The following TENM1 variants were observed in gnomAD, a reference collection of about 807,000 sequenced individuals.
TENM1 encodes teneurin transmembrane protein 1.
A neutral mutation model predicts 174.8 loss-of-function variants in TENM1; 35 were observed. That is an observed-to-expected ratio of 0.20 (90% CI 0.15 to 0.27). The LOEUF is 0.27. Among genes scored for constraint, TENM1 ranks in the 10% least tolerant of loss-of-function variants. The pLI, the probability that TENM1 is intolerant of heterozygous loss-of-function variation, is 1.00. For synonymous variants in TENM1, 781 were observed against 798.7 expected, an observed-to-expected ratio of 0.98 and a Z score of 0.37; for missense variants, 1,633 against 2,130.1, an observed-to-expected ratio of 0.77 and a Z score of 4.59.
intron 1 of TENM1, among the ~76,000 whole-genome samples, chrX:124,959,644 T>A (rs1345679363): frequency 9.0e-6 from 1 of 111,262 alleles, no homozygotes; most frequent in Non-Finnish European, 1.9e-5. Context: ...AAAAGCTACC[T>A]GGATGTCATA....
At chrX:124,955,394 A>G (rs1182333331) in intron 1 of TENM1, among the ~76,000 whole-genome samples, 4 of 83,170 alleles carry the variant, frequency 4.8e-5, no homozygotes, top group African/African-American at 1.8e-4. Flanking sequence ...GTCAGCAATG[A>G]CCTTCTAAAC....
At chrX:124,836,031 G>C (rs770247263) in intron 3 of TENM1, among the ~76,000 whole-genome samples, 10 of 111,464 alleles carry the variant, frequency 9.0e-5, no homozygotes, top group Non-Finnish European at 1.7e-4. Flanking sequence ...AGTGATTTTT[G>C]GCTTAAGGAA....
At chrX:125,099,918 TG>T in the TENM1 span, among the ~76,000 whole-genome samples, 1 of 111,774 alleles carries the variant, frequency 8.9e-6, no homozygotes, top group Non-Finnish European at 1.9e-5. Flanking sequence ...TATCAGCTAA[TG>T]ACAGTTCAGG....
intron 11 of TENM1, among the ~76,000 whole-genome samples, chrX:124,583,363 C>G (rs1015633832): frequency 9.0e-6 from 1 of 111,511 alleles, no homozygotes; most frequent in Admixed American, 9.5e-5. Flanking sequence ...TCAGACAGCA[C>G]CATTCACGGT....
At chrX:124,518,107 C>T (rs1189421629) in intron 18 of TENM1, among the ~76,000 whole-genome samples, 1 of 110,548 alleles carries the variant, frequency 9.0e-6, no homozygotes, top group Non-Finnish European at 1.9e-5. Context: ...GCCTTCTGGG[C>T]TTGTAGGGGG....
intron 13 of TENM1, among the ~76,000 whole-genome samples, chrX:124,563,244 G>T (rs985007433): frequency 2.7e-5 from 3 of 110,312 alleles, no homozygotes; most frequent in Non-Finnish European, 5.7e-5. Flanking sequence ...TGGAGGGATG[G>T]ATGATGGGAT....
At chrX:124,862,245 C>T (rs2056924538) in intron 3 of TENM1, among the ~76,000 whole-genome samples, 2 of 111,621 alleles carry the variant, frequency 1.8e-5, no homozygotes, top group Admixed American at 9.5e-5. Context: ...CCCATTGCCC[C>T]GCAAAAGGCA....
intron 2 of TENM1, 74 bp downstream of exon 5, chrX:124,895,907 G>A: frequency 3.6e-6 from 4 of 1,119,598 alleles, no homozygotes; most frequent in Non-Finnish European, 4.8e-6. Context: ...CAGATATAGG[G>A]AAGGAGAACA....
intron 3 of TENM1, among the ~76,000 whole-genome samples, chrX:124,821,779 T>C (rs1030146335): frequency 1.2e-4 from 14 of 112,082 alleles, no homozygotes; most frequent in Non-Finnish European, 1.1e-4. Flanking sequence ...AGAGTTTTAC[T>C]CAGTGATAGC....
intron 11 of TENM1, among the ~76,000 whole-genome samples, chrX:124,605,544 T>C (rs1277130676): frequency 9.0e-6 from 1 of 110,904 alleles, no homozygotes; most frequent in Non-Finnish European, 1.9e-5. Flanking sequence ...AATACCCTTC[T>C]GGTTTTGCTT....
intron 1 of TENM1, among the ~76,000 whole-genome samples, chrX:124,915,831 C>A (rs1196982751): frequency 8.9e-6 from 1 of 111,954 alleles, no homozygotes; most frequent in Non-Finnish European, 1.9e-5. Flanking sequence ...GGAGAAAATA[C>A]TGGAAAAAAG....
the TENM1 span, among the ~76,000 whole-genome samples, chrX:124,972,016 C>T: frequency 1.8e-5 from 2 of 110,019 alleles, no homozygotes; most frequent in African/African-American, 6.6e-5. Context: ...GGGCAGATCA[C>T]GAGGTCAGGA....
At chrX:124,463,937 T>C (rs750656844) in intron 22 of TENM1, among the ~76,000 whole-genome samples, 1 of 108,809 alleles carries the variant, frequency 9.2e-6, no homozygotes, top group Non-Finnish European at 1.9e-5. Context: ...GAAATGCACA[T>C]GTCTTGTTTT....
chrX:124,662,936 G>T (rs1484909031), intron 6 of TENM1, among the ~76,000 whole-genome samples: 1 of 111,960 alleles, frequency 8.9e-6, no homozygotes, highest in African/African-American at 3.3e-5. Context: ...TGTTTTATTT[G>T]TTAGCTTTCC....
intron 6 of TENM1, among the ~76,000 whole-genome samples, chrX:124,667,869 A>AATAT (rs200376624): frequency 6.4e-5 from 7 of 109,818 alleles, no homozygotes; most frequent in African/African-American, 2.3e-4. Flanking sequence ...GCAGATATAT[A>AATAT]ATATATATAT....
chrX:124,977,239 C>T, the TENM1 span, among the ~76,000 whole-genome samples: 2 of 111,415 alleles, frequency 1.8e-5, no homozygotes, highest in Non-Finnish European at 3.8e-5. Context: ...CCATGTAAAC[C>T]GTAAGGCATT....
intron 10 of TENM1, among the ~76,000 whole-genome samples, chrX:124,644,550 T>C (rs2148379457): frequency 9.1e-6 from 1 of 110,296 alleles, no homozygotes; most frequent in African/African-American, 3.3e-5. Context: ...AACTTGCCAT[T>C]TCAAAATTTT....
the TENM1 span, among the ~76,000 whole-genome samples, chrX:125,007,777 GA>G: frequency 9.0e-6 from 1 of 111,545 alleles, no homozygotes; most frequent in Non-Finnish European, 1.9e-5. Context: ...TATCCAGCCA[GA>G]CTAAGCTTCA....
rs747996564 is a variant in TENM1, at chrX:124,541,418, G to A, written c.2651+5456C>T. 1.1e-4 allele frequency among the ~76,000 whole-genome samples: 12 copies of A among 111,673 alleles called. No individual in the cohort carries two copies. The South Asian group carries it at 4.1e-3, about 39-fold the overall frequency. On this transcript the variant is annotated intron_variant, in intron 15 of 31. Transcript: ENST00000422452. ...TCATGAGGTCTGGCTGTTTAAAAGT[G>A]TTTGTCACCTCCTTCTCTCTTTCTC...
Sources: allele counts gnomAD v4.1 joint callset (sites outside exome capture counted in the v4.1 genomes callset), GRCh38; gene constraint gnomAD v4.1.1; transcripts MANE v1.5; gene names NCBI Gene and HGNC (gene_info 2026-07-23, HGNC 2026-07-21).